Variants in PSPC1 observed in about 807,000 individuals in gnomAD.
PSPC1 encodes the protein paraspeckle protein 1.
PSPC1 carries 14 observed loss-of-function variants against 51.6 expected under a neutral mutation model. The ratio of observed to expected loss-of-function variants is 0.27; its 90% confidence interval spans 0.18 to 0.42. The LOEUF is 0.42. PSPC1 is among the 10% of genes least tolerant of loss of function. The pLI, the probability that PSPC1 is intolerant of heterozygous loss-of-function variation, is 1.00. For synonymous variants in PSPC1, 193 were observed against 231.9 expected, an observed-to-expected ratio of 0.83 and a Z score of 1.53; for missense variants, 406 against 701.1, an observed-to-expected ratio of 0.58 and a Z score of 4.75.
At chr13:19,734,611 G>C (rs1210021263) in intron 5 of PSPC1, among the ~76,000 whole-genome samples, 1 of 152,148 alleles carries the variant, frequency 6.6e-6, no homozygotes, top group Non-Finnish European at 1.5e-5. Flanking sequence ...AGACGAGCCT[G>C]GCCAACATGG....
chr13:19,729,638 T>TAA (rs113820678), intron 6 of PSPC1, among the ~76,000 whole-genome samples: 1 of 145,612 alleles, frequency 6.9e-6, no homozygotes, highest in Non-Finnish European at 1.5e-5. Flanking sequence ...ACCAAATGTT[T>TAA]AAAAAAAAAA....
chr13:19,744,485 A>C (rs1353739554), intron 4 of PSPC1, among the ~76,000 whole-genome samples: 1 of 152,228 alleles, frequency 6.6e-6, no homozygotes, highest in African/African-American at 2.4e-5. Context: ...TAAAGCTTAT[A>C]CATCTGTACA....
intron 3 of PSPC1, among the ~76,000 whole-genome samples, chr13:19,755,188 A>G (rs1395168762): frequency 1.3e-5 from 2 of 151,804 alleles, no homozygotes; most frequent in East Asian, 3.9e-4. Flanking sequence ...GTGAGCCATG[A>G]CCATGCCATT....
chr13:19,762,667 T>G (rs572554377), intron 2 of PSPC1, among the ~76,000 whole-genome samples: 21 of 152,372 alleles, frequency 1.4e-4, no homozygotes, highest in African/African-American at 5.0e-4. Flanking sequence ...GGACTGTGTC[T>G]TATTTTTATT....
At chr13:19,745,910 A>G (rs1885924918) in intron 4 of PSPC1, among the ~76,000 whole-genome samples, 1 of 152,000 alleles carries the variant, frequency 6.6e-6, no homozygotes, top group Non-Finnish European at 1.5e-5. Flanking sequence ...TATCTCAAGT[A>G]GGTTCAGGCA....
chr13:19,685,011 A>G (rs1199909601), intron 6 of PSPC1, among the ~76,000 whole-genome samples: 1 of 152,262 alleles, frequency 6.6e-6, no homozygotes, highest in Non-Finnish European at 1.5e-5. Context: ...TAAATGTACA[A>G]AACTTCATTT....
chr13:19,691,775 G>A (rs746869671), intron 6 of PSPC1, among the ~76,000 whole-genome samples: 2 of 152,032 alleles, frequency 1.3e-5, no homozygotes, highest in Non-Finnish European at 2.9e-5. Context: ...AATATCAGCC[G>A]GGGATGGTGG....
At chr13:19,743,655 G>A (rs1301642476) in intron 4 of PSPC1, among the ~76,000 whole-genome samples, 1 of 152,154 alleles carries the variant, frequency 6.6e-6, no homozygotes, top group Non-Finnish European at 1.5e-5. Context: ...ATGTTGCTAA[G>A]AAAAGTCTGT....
chr13:19,676,367 G>A (rs1008830717), intron 7 of PSPC1, among the ~76,000 whole-genome samples: 1 of 152,194 alleles, frequency 6.6e-6, no homozygotes, highest in Non-Finnish European at 1.5e-5. Context: ...CCCAGATGGC[G>A]ATGCTGCTGG....
At chr13:19,750,632 A>T (rs1886447734) in intron 4 of PSPC1, among the ~76,000 whole-genome samples, 1 of 151,992 alleles carries the variant, frequency 6.6e-6, no homozygotes, top group Admixed American at 6.6e-5. Flanking sequence ...TCAAACAAAA[A>T]ATCCTGTATG....
At chr13:19,688,451 T>G (rs1878181631) in intron 6 of PSPC1, among the ~76,000 whole-genome samples, 1 of 152,232 alleles carries the variant, frequency 6.6e-6, no homozygotes, top group Admixed American at 6.5e-5. Flanking sequence ...GCCTCTCAAT[T>G]CATGCATATG....
intron 1 of PSPC1, among the ~76,000 whole-genome samples, chr13:19,780,674 G>A (rs1039583014): frequency 5.2e-5 from 7 of 135,356 alleles, no homozygotes; most frequent in African/African-American, 1.1e-4. Flanking sequence ...CAAACACTGC[G>A]GAAGGCCGCA....
At chr13:19,754,045 A>C (rs557040407) in intron 3 of PSPC1, among the ~76,000 whole-genome samples, 2 of 150,926 alleles carry the variant, frequency 1.3e-5, no homozygotes, top group East Asian at 3.9e-4. Context: ...AGTGAATTTG[A>C]ATTTTGGCTT....
downstream of PSPC1, among the ~76,000 whole-genome samples, chr13:19,698,437 G>A (rs1237559987): frequency 1.3e-5 from 2 of 151,738 alleles, no homozygotes; most frequent in South Asian, 2.1e-4. Context: ...GTAGGACCTC[G>A]TATTTAATGA....
At chr13:19,678,173 G>A (rs1876878394) in intron 6 of PSPC1, 1 of 217,606 alleles carries the variant, frequency 4.6e-6, no homozygotes. Flanking sequence ...TGTACAGATT[G>A]TTGATACCTC....
chr13:19,710,966 T>C (rs569302803), intron 6 of PSPC1, among the ~76,000 whole-genome samples: 2 of 151,992 alleles, frequency 1.3e-5, no homozygotes, highest in Admixed American at 6.6e-5. Flanking sequence ...GCTTCCCGAA[T>C]AGATGGGATG....
intron 6 of PSPC1, among the ~76,000 whole-genome samples, chr13:19,724,404 G>C (rs1437514815): frequency 6.6e-6 from 1 of 152,074 alleles, no homozygotes; most frequent in Non-Finnish European, 1.5e-5. Flanking sequence ...TAAAGCAAGA[G>C]ATGATAGATG....
chr13:19,724,023 T>A (rs1379704120), intron 6 of PSPC1, among the ~76,000 whole-genome samples: 1 of 152,166 alleles, frequency 6.6e-6, no homozygotes, highest in Non-Finnish European at 1.5e-5. Flanking sequence ...CTTCAGCAAA[T>A]AATTCTTTAG....
chr13:19,676,084 C>T (rs1326197037), intron 7 of PSPC1, among the ~76,000 whole-genome samples: 1 of 152,198 alleles, frequency 6.6e-6, no homozygotes, highest in East Asian at 1.9e-4. Flanking sequence ...TAGAATCTCT[C>T]TCCCCTTCTC....
Sources: gnomAD v4.1 joint callset for allele counts (sites outside exome capture counted in the v4.1 genomes callset) on GRCh38, gnomAD v4.1.1 for gene constraint, MANE v1.5 for transcripts, NCBI Gene and HGNC (gene_info 2026-07-23, HGNC 2026-07-21) for gene names.